The following SGCZ variants were observed in gnomAD, a reference collection of about 807,000 sequenced individuals.
SGCZ encodes the protein sarcoglycan zeta, also known as zeta-sarcoglycan.
Under a neutral mutation model 41.3 loss-of-function variants are expected in SGCZ, and 40 were observed. The ratio of observed to expected loss-of-function variants is 0.97; its 90% CI spans 0.75 to 1.26. The LOEUF is 1.26. Among genes scored for constraint, SGCZ ranks in the 50% most tolerant of loss-of-function variants. The pLI is 0.00. For missense variants in SGCZ, 552 were observed against 369.8 expected, an observed-to-expected ratio of 1.49 and a Z score of -4.04; for synonymous variants, 206 against 137.5, an observed-to-expected ratio of 1.50 and a Z score of -3.49.
chr8:14,793,071 T>G (rs540975081), intron 1 of SGCZ, among the ~76,000 whole-genome samples: 16 of 152,372 alleles, frequency 1.1e-4, no homozygotes, highest in Non-Finnish European at 2.4e-4. Context: ...ATCTCCACCA[T>G]GTTCCTATTT....
intron 1 of SGCZ, among the ~76,000 whole-genome samples, chr8:15,130,162 T>C (rs796843888): frequency 3.0e-4 from 46 of 152,296 alleles, no homozygotes; most frequent in African/African-American, 9.9e-4. Flanking sequence ...GTTGGCTCAC[T>C]CACTACACTC....
chr8:14,966,735 G>C (rs183471368), intron 1 of SGCZ, among the ~76,000 whole-genome samples: 116 of 152,140 alleles, frequency 7.6e-4, no homozygotes, highest in Non-Finnish European at 5.4e-4. Flanking sequence ...GCTTTGGGTT[G>C]TTTTCTTTTG....
At chr8:15,132,403 A>G (rs942936811) in intron 1 of SGCZ, among the ~76,000 whole-genome samples, 4 of 151,990 alleles carry the variant, frequency 2.6e-5, no homozygotes, top group African/African-American at 4.8e-5. Flanking sequence ...CTTATACCAA[A>G]TTTTCCTGTT....
At chr8:14,146,475 TAGC>T (rs1381037197) in intron 5 of SGCZ, among the ~76,000 whole-genome samples, 1 of 152,118 alleles carries the variant, frequency 6.6e-6, no homozygotes, top group African/African-American at 2.4e-5. Flanking sequence ...GGACATTAAT[TAGC>T]AGTAAGAAAT....
intron 1 of SGCZ, among the ~76,000 whole-genome samples, chr8:15,017,657 C>A (rs1042554278): frequency 1.2e-4 from 19 of 152,046 alleles, no homozygotes; most frequent in African/African-American, 4.6e-4. Context: ...AGGCTCACAT[C>A]ATCATGCCCA....
At chr8:14,731,939 G>C (rs1356751769) in intron 1 of SGCZ, among the ~76,000 whole-genome samples, 1 of 152,018 alleles carries the variant, frequency 6.6e-6, no homozygotes. Flanking sequence ...TCTATCACAA[G>C]ACTCTTCCAG....
chr8:14,395,458 G>A (rs1798887409), intron 2 of SGCZ, among the ~76,000 whole-genome samples: 1 of 152,134 alleles, frequency 6.6e-6, no homozygotes, highest in Admixed American at 6.6e-5. Flanking sequence ...TACAAAGGGT[G>A]GGTTCCCATA....
chr8:14,582,497 T>C (rs1804924279), intron 1 of SGCZ, among the ~76,000 whole-genome samples: 1 of 152,062 alleles, frequency 6.6e-6, no homozygotes, highest in Non-Finnish European at 1.5e-5. Flanking sequence ...GTTCCCACAC[T>C]CTTTTCTTTA....
intron 1 of SGCZ, among the ~76,000 whole-genome samples, chr8:15,154,371 C>A (rs1212655716): frequency 6.6e-6 from 1 of 152,182 alleles, no homozygotes; most frequent in East Asian, 1.9e-4. Flanking sequence ...TGGGACCACC[C>A]AGCTTTTGCT....
At chr8:14,192,302 T>A (rs550906056) in intron 4 of SGCZ, among the ~76,000 whole-genome samples, 45 of 152,132 alleles carry the variant, frequency 3.0e-4, no homozygotes, top group Middle Eastern at 3.7e-3. Flanking sequence ...CTGTATTTAA[T>A]GTTAATAGTG....
chr8:15,127,950 G>T (rs1307331038), intron 1 of SGCZ, among the ~76,000 whole-genome samples: 1 of 152,038 alleles, frequency 6.6e-6, no homozygotes, highest in Non-Finnish European at 1.5e-5. Context: ...CCCCATATGA[G>T]ACTCAGGATG....
intron 1 of SGCZ, among the ~76,000 whole-genome samples, chr8:14,898,418 G>A (rs1396194315): frequency 6.6e-5 from 10 of 152,154 alleles, no homozygotes; most frequent in Admixed American, 3.3e-4. Context: ...GTTGTAAGGC[G>A]GCCTGCTGCA....
chr8:14,600,720 A>G (rs1284472488), intron 1 of SGCZ, among the ~76,000 whole-genome samples: 1 of 152,228 alleles, frequency 6.6e-6, no homozygotes, highest in South Asian at 2.1e-4. Context: ...AACTAAAAAA[A>G]ATATACACAT....
At chr8:14,275,844 T>C (rs1800211192) in intron 3 of SGCZ, among the ~76,000 whole-genome samples, 1 of 152,184 alleles carries the variant, frequency 6.6e-6, no homozygotes, top group South Asian at 2.1e-4. Flanking sequence ...GGAGTTACTT[T>C]ACCCCTAATG....
In SGCZ at chr8:14,087,115, A is replaced by G. The variant is rs2116940715; in HGVS notation, c.*3328T>C. On this transcript the variant is annotated 3_prime_UTR_variant, in exon 8 of 8. Transcript: ENST00000382080. ...AGTTACAGTAAAATTTGAGGTGTAT[A>G]ATTGTCTTAAACTCTTAGATAAATA... 6.6e-6 allele frequency among the ~76,000 whole-genome samples: 1 copy of G among 151,786 alleles called. No homozygotes were observed. Among genetic ancestry groups the G allele is most frequent in the Admixed American group, 6.6e-5 (1 of 15,186 alleles).
intron 2 of SGCZ, among the ~76,000 whole-genome samples, chr8:14,496,624 A>G (rs530814430): frequency 6.6e-6 from 1 of 152,288 alleles, no homozygotes; most frequent in African/African-American, 2.4e-5. Flanking sequence ...TCACAGTTGT[A>G]GAAAATTAAT....
intron 1 of SGCZ, among the ~76,000 whole-genome samples, chr8:15,031,096 T>G (rs1803643311): frequency 1.3e-5 from 2 of 152,122 alleles, no homozygotes; most frequent in South Asian, 4.1e-4. Context: ...TTTTCTCACT[T>G]AAAGTATTAG....
Position 14,665,162 on chromosome 8 carries a change from C to G in SGCZ, c.40-110236G>C, listed in dbSNP as rs146693942. On this transcript the variant is annotated intron_variant, in intron 1 of 7. Coordinates refer to ENST00000382080, the MANE Select transcript of SGCZ (RefSeq NM_139167.4). Reference sequence around the variant, plus strand: ...TATCTCCTAATGCTATCCCTCCCCCCTCTCCCCACCCCACAACAGGCCCCG... The same window carrying G: ...TATCTCCTAATGCTATCCCTCCCCCGTCTCCCCACCCCACAACAGGCCCCG... Among the ~76,000 whole-genome samples the G allele has an allele frequency of 5.9e-5, 9 of 152,208 alleles. No individual in the cohort carries two copies. In the South Asian group the frequency reaches 6.2e-4, roughly 11 times the overall value.
intron 2 of SGCZ, among the ~76,000 whole-genome samples, chr8:14,326,186 C>T (rs962679861): frequency 1.4e-5 from 2 of 142,402 alleles, no homozygotes; most frequent in African/African-American, 2.6e-5. Context: ...GCAAGCCCAA[C>T]GTAGACAGAT....
Sources: allele counts gnomAD v4.1 joint callset (sites outside exome capture counted in the v4.1 genomes callset), GRCh38; gene constraint gnomAD v4.1.1; transcripts MANE v1.5; gene names NCBI Gene and HGNC (gene_info 2026-07-23, HGNC 2026-07-21).